The following ABCC1 variants were observed in gnomAD, a reference collection of about 807,000 sequenced individuals.
ABCC1 encodes the protein ATP binding cassette subfamily C member 1 (ABCC1 blood group), also known as multidrug resistance-associated protein 1.
In ABCC1, 83 loss-of-function variants were observed where a neutral mutation model predicts 172.9. The observed-to-expected ratio is 0.48, with a 90% CI of 0.40 to 0.58. ABCC1 has a LOEUF of 0.58. Among genes scored for constraint, ABCC1 ranks in the 20% least tolerant of loss-of-function variants. The probability of loss-of-function intolerance (pLI) is 0.00; values close to 1 mark genes in which losing one functional copy is unlikely to be tolerated. For synonymous variants in ABCC1, 937 were observed against 825.2 expected, an observed-to-expected ratio of 1.14 and a Z score of -2.32; for missense variants, 1,817 against 2,002.7, an observed-to-expected ratio of 0.91 and a Z score of 1.77.
chr16:16,059,904 G>A (rs149525753), intron 12 of ABCC1, among the ~76,000 whole-genome samples: 6 of 151,702 alleles, frequency 4.0e-5, no homozygotes, highest in African/African-American at 1.2e-4. Flanking sequence ...GCTGAGGTAC[G>A]GGAATCGTTT....
intron 7 of ABCC1, among the ~76,000 whole-genome samples, chr16:16,040,177 C>A (rs969667831): frequency 6.6e-6 from 1 of 151,960 alleles, no homozygotes; most frequent in Non-Finnish European, 1.5e-5. Flanking sequence ...CTCATTGCAG[C>A]CTGGAAATTC....
At chr16:15,989,189 C>A (rs1017070689) in intron 1 of ABCC1, among the ~76,000 whole-genome samples, 1 of 152,020 alleles carries the variant, frequency 6.6e-6, no homozygotes. Context: ...CCCCTGCCTT[C>A]CTGGGTGATG....
In ABCC1 at chr16:16,141,419, T is replaced by C. The variant is rs529963725; in HGVS notation, c.*138T>C. 95 of 731,428 alleles carry C rather than the reference T, an allele frequency of 1.3e-4. 1 individual carries two copies. In the African/African-American group the frequency reaches 1.6e-3, roughly 12 times the overall value. 45.3% of individuals were successfully genotyped at this position (731,428 alleles called of 1,614,324 possible). A position where few individuals can be genotyped will look rare whatever the true frequency, so the allele number is the denominator to read the frequency against. ...ACCAAACCCAGACAACCAAAACATATTCAAAGCAGCAGCCACCGCCATCCG... is the reference window on the plus strand; with the variant it reads ...ACCAAACCCAGACAACCAAAACATACTCAAAGCAGCAGCCACCGCCATCCG... On this transcript the variant is annotated 3_prime_UTR_variant, in exon 31 of 31. Coordinates refer to ENST00000399410, the MANE Select transcript of ABCC1 (RefSeq NM_004996.4).
intron 21 of ABCC1, among the ~76,000 whole-genome samples, chr16:16,107,148 C>T (rs1449772124): frequency 2.0e-5 from 3 of 152,124 alleles, no homozygotes; most frequent in African/African-American, 4.8e-5. Context: ...CTGAGCAGCT[C>T]AGGGGGGTCT....
chr16:16,141,267 G>T lies in ABCC1; in HGVS notation c.4582G>T (p.Ala1528Ser), dbSNP rs377013600. 4.3e-6 allele frequency: 7 copies of T among 1,613,808 alleles called. No homozygotes were observed. The African/African-American group carries it at 9.3e-5, about 22-fold the overall frequency. Residue 1528 changes from alanine to serine, a missense_variant, in exon 31 of 31, where the codon GCC becomes TCC. Transcript: ENST00000399410. ...RGLFYSMAKD[A>S]GLV ...TCTTTTCTACAGCATGGCCAAAGAC[G>T]CCGGCTTGGTGTGAGCCCCAGAGCT...
At chr16:15,993,658 C>T (rs1167981298) in intron 1 of ABCC1, among the ~76,000 whole-genome samples, 1 of 151,010 alleles carries the variant, frequency 6.6e-6, no homozygotes, top group African/African-American at 2.4e-5. Context: ...GTTGAAGAAG[C>T]CCTGCTTGAG....
chr16:15,966,181 G>C (rs573275923), intron 1 of ABCC1, among the ~76,000 whole-genome samples: 2 of 151,988 alleles, frequency 1.3e-5, no homozygotes, highest in Non-Finnish European at 2.9e-5. Context: ...TTGGGAGGCC[G>C]AGGTGGGCGG....
intron 7 of ABCC1, among the ~76,000 whole-genome samples, chr16:16,041,094 A>ATTTTTTT: frequency 7.5e-6 from 1 of 133,090 alleles, no homozygotes; most frequent in Non-Finnish European, 1.6e-5. Context: ...CACCTGGCTA[A>ATTTTTTT]TTTTTTTTTT....
At chr16:16,073,818 G>A (rs1028524387) in intron 14 of ABCC1, among the ~76,000 whole-genome samples, 2 of 152,204 alleles carry the variant, frequency 1.3e-5, no homozygotes, top group African/African-American at 4.8e-5. Context: ...ACCCAGGTAC[G>A]AAGTGGTAGC....
chr16:16,005,792 T>G (rs1239978918), intron 1 of ABCC1, among the ~76,000 whole-genome samples: 2 of 152,122 alleles, frequency 1.3e-5, no homozygotes, highest in African/African-American at 4.8e-5. Flanking sequence ...ACCTTGTCTT[T>G]ACTAAAAATT....
chr16:16,121,998 G>T lies in ABCC1; in HGVS notation c.3414G>T (p.Arg1138=). 1 of 1,614,180 alleles carries T rather than the reference G, an allele frequency of 6.2e-7. No homozygotes were observed. Among genetic ancestry groups the T allele is most frequent in the Non-Finnish European group, 8.5e-7 (1 of 1,180,038 alleles). The part of the protein sequence containing the change: ...FVQRFYVASS[R]QLKRLESVSR... Reference sequence around the variant, plus strand: ...AGAGGTTCTACGTGGCTTCCTCCCGGCAGCTGAAGCGCCTCGAGTCGGTCA... The same window carrying T: ...AGAGGTTCTACGTGGCTTCCTCCCGTCAGCTGAAGCGCCTCGAGTCGGTCA... Residue 1138 remains arginine, a synonymous_variant, in exon 24 of 31, where the codon CGG becomes CGT. Coordinates refer to ENST00000399410, the MANE Select transcript of ABCC1 (RefSeq NM_004996.4).
At chr16:15,978,986 G>A (rs1311285809) in intron 1 of ABCC1, among the ~76,000 whole-genome samples, 1 of 152,142 alleles carries the variant, frequency 6.6e-6, no homozygotes, top group Non-Finnish European at 1.5e-5. Context: ...AGCAACAGGA[G>A]AAAACATGCA....
intron 1 of ABCC1, 91 bp downstream of exon 1, chr16:15,949,890 G>T: frequency 1.9e-6 from 2 of 1,078,944 alleles, no homozygotes; most frequent in Non-Finnish European, 2.3e-6. Flanking sequence ...GGGGCACCCC[G>T]CTCCCCGCTC....
chr16:16,106,607 C>T, intron 20 of ABCC1, 131 bp from the exon 21 acceptor site: 2 of 1,030,182 alleles, frequency 1.9e-6, no homozygotes, highest in Non-Finnish European at 2.8e-6. Flanking sequence ...TATATGTTTA[C>T]ATGTGTGCAT....
chr16:16,083,379 A>G lies in ABCC1; in HGVS notation c.2129A>G (p.Tyr710Cys), dbSNP rs2050880553. The change falls in exon 17 of 31, where the codon TAT becomes TGT. Residue 710 changes from tyrosine to cysteine, a missense_variant. Tyr to Cys is a radical substitution (Grantham distance 194). Transcript: ENST00000399410. The stretch of plus-strand genomic sequence containing the variant: ...TTTGCAACTTAGGGCTCCGTGGCCT[A>G]TGTGCCACAGCAGGCCTGGATTCAG... ...GHVAIKGSVA[Y>C]VPQQAWIQND... The G allele has an allele frequency of 3.7e-6, 6 of 1,613,606 alleles. No homozygotes were observed. The highest frequency in any genetic ancestry group is 5.1e-6 in the Non-Finnish European group (6 of 1,179,970).
intron 26 of ABCC1, among the ~76,000 whole-genome samples, chr16:16,126,577 G>T (rs1172349099): frequency 1.3e-5 from 2 of 151,980 alleles, no homozygotes; most frequent in East Asian, 1.9e-4. Context: ...AGAGATGGGG[G>T]TTTCACTAAG....
intron 1 of ABCC1, among the ~76,000 whole-genome samples, chr16:16,006,197 C>G (rs780823943): frequency 2.0e-4 from 31 of 151,904 alleles, no homozygotes; most frequent in Non-Finnish European, 3.8e-4. Flanking sequence ...ATTGAGACCC[C>G]AAAAAGGGTA....
At chr16:16,086,701 T>G in intron 17 of ABCC1, 123 bp from the exon 18 acceptor site, 1 of 1,034,364 alleles carries the variant, frequency 9.7e-7, no homozygotes, top group Non-Finnish European at 1.4e-6. Context: ...ACCCCTGGTC[T>G]CAAGCAGTCC....
intron 5 of ABCC1, among the ~76,000 whole-genome samples, chr16:16,026,066 T>C (rs2151804115): frequency 6.6e-6 from 1 of 152,288 alleles, no homozygotes; most frequent in South Asian, 2.1e-4. Flanking sequence ...CCTCCTTTTT[T>C]ATTGTCAATC....
Sources: gnomAD v4.1 joint callset for allele counts (sites outside exome capture counted in the v4.1 genomes callset) on GRCh38, gnomAD v4.1.1 for gene constraint, MANE v1.5 for transcripts, NCBI Gene and HGNC (gene_info 2026-07-23, HGNC 2026-07-21) for gene names.